CFAP97: variants seen among roughly 807,000 people sequenced by gnomAD.
The protein encoded by CFAP97 is cilia- and flagella-associated protein 97.
A neutral mutation model predicts 43.1 loss-of-function variants in CFAP97; 36 were observed. That is an observed-to-expected ratio of 0.84 (90% CI 0.64 to 1.10). The LOEUF (loss-of-function observed/expected upper bound fraction) is 1.10, where lower values mean the gene tolerates loss of function less well. CFAP97 is among the 50% of genes least tolerant of loss of function. The pLI, the probability that CFAP97 is intolerant of heterozygous loss-of-function variation, is 0.00. For synonymous variants in CFAP97, 228 were observed against 225.7 expected, an observed-to-expected ratio of 1.01 and a Z score of -0.09; for missense variants, 657 against 620.3, an observed-to-expected ratio of 1.06 and a Z score of -0.63.
rs1279488929 is a variant in CFAP97 at position 185,209,416 on chromosome 4, AAG to A, written c.-167_-166del. The A allele has an allele frequency of 6.6e-6, 1 of 152,250 alleles. No individual in the cohort carries two copies. Among genetic ancestry groups the A allele is most frequent in the Non-Finnish European group, 1.5e-5 (1 of 68,074 alleles). 9.4% of individuals were successfully genotyped at this position (152,250 alleles called of 1,614,324 possible). ...TGTAGAGGAGGAGGGGAGCGTGGGA[AAG>A]AGAGGTGTGCACCGCGCTGGGTCGC... On this transcript the variant is annotated 5_prime_UTR_variant, in exon 1 of 3. Coordinates refer to the CFAP97 transcript ENST00000503223. The surrounding 1 kb of genome is among the most constrained non-coding windows in gnomAD (Gnocchi z 5.2).
intron 1 of CFAP97, among the ~76,000 whole-genome samples, chr4:185,203,187 C>G (rs1736977487): frequency 6.6e-6 from 1 of 152,040 alleles, no homozygotes; most frequent in African/African-American, 2.4e-5. Context: ...GGCCACAGAG[C>G]GAGACCCTGT....
At chr4:185,192,931 G>A (rs1305300813) in intron 1 of CFAP97, among the ~76,000 whole-genome samples, 2 of 151,810 alleles carry the variant, frequency 1.3e-5, no homozygotes, top group Non-Finnish European at 2.9e-5. Flanking sequence ...TAGTAGAGAC[G>A]GGGTTTCACC....
At chr4:185,205,525 G>A (rs1032857883), upstream of CFAP97, among the ~76,000 whole-genome samples, 7 of 152,052 alleles carry the variant, frequency 4.6e-5, no homozygotes, top group African/African-American at 1.7e-4. Context: ...CCACTTTCCA[G>A]GGATAGTTGT....
upstream of CFAP97, chr4:185,209,735 A>G (rs1737440762): frequency 1.0e-6 from 1 of 983,378 alleles, no homozygotes; most frequent in Non-Finnish European, 1.2e-6. This position sits in a 1 kb window ranked among gnomAD's most constrained non-coding sequence, Gnocchi z 5.2. Flanking sequence ...GCCGCGGGCG[A>G]GGCATGAGCG....
rs75024860 is a variant in CFAP97, at chr4:185,202,288, G to C, written c.-17+1610C>G. ...CTCATGTGCGGTGGCTCATGTTACA[G>C]TCTCATGCCTGTAACTTTGGGAGGC... On this transcript the variant is annotated intron_variant, in intron 1 of 4. Transcript: ENST00000458385. Among the ~76,000 whole-genome samples, 8 of 152,280 alleles carry C rather than the reference G, an allele frequency of 5.3e-5. No homozygotes were observed. The East Asian group carries it at 1.6e-3, about 30-fold the overall frequency.
chr4:185,162,985 G>C (rs565669882), intron 4 of CFAP97, 60 bp from the exon 5 acceptor site: 15 of 1,434,922 alleles, frequency 1.0e-5, no homozygotes, highest in African/African-American at 1.0e-4. Flanking sequence ...GTCCAGACTA[G>C]TTTTTCTTCC....
Position 185,190,434 on chromosome 4 carries a change from C to G in CFAP97, c.763G>C (p.Val255Leu), listed in dbSNP as rs754104347. 1.2e-6 allele frequency: 2 copies of G among 1,613,674 alleles called. No homozygotes were observed. Among genetic ancestry groups the G allele is most frequent in the South Asian group, 1.1e-5 (1 of 91,028 alleles). The part of the protein sequence containing the change: ...PEESEDTVTD[V>L]SPLSTPDISP... ...ATGTCTGGAGTTGATAAGGGACTTA[C>G]GTCAGTCACAGTATCTTCAGACTCC... Residue 255 changes from valine to leucine, a missense_variant, in exon 2 of 5, where the codon GTA (valine) becomes CTA (leucine). Val to Leu is a conservative substitution (Grantham distance 32). Transcript: ENST00000458385.
intron 1 of CFAP97, among the ~76,000 whole-genome samples, chr4:185,198,528 G>A (rs942804992): frequency 1.3e-5 from 2 of 151,576 alleles, no homozygotes; most frequent in Non-Finnish European, 2.9e-5. Context: ...GGTGGCTCAC[G>A]CCTGTAATCC....
Position 185,190,760 on chromosome 4 carries a change from T to C in CFAP97, c.437A>G (p.His146Arg). The C allele has an allele frequency of 6.3e-7, 1 of 1,597,984 alleles. No homozygotes were observed. Residue 146 changes from histidine to arginine, a missense_variant, in exon 2 of 5, where the codon CAT becomes CGT. Physicochemically the swap from His to Arg is conservative, Grantham distance 29. Transcript: ENST00000458385. ...EESSDDGKKY[H>R]VKSKSAKPST... is the part of the protein sequence containing the mutation. ...TGGTTTAGCGGACTTGGACTTCACA[T>C]GGTATTTCTTCCCATCATCACTGCT...
rs750118733 is a variant in CFAP97, at chr4:185,190,966, T to G, written c.231A>C (p.Pro77=). The G allele has an allele frequency of 2.5e-6, 4 of 1,613,810 alleles. No homozygotes were observed. In the South Asian group the frequency reaches 4.4e-5, roughly 18 times the overall value. Reference sequence around the variant, plus strand: ...TAACATCATTCTCTACGGGGTGTTCTGGGGGAAATTTCACGTTTCTTTCAT... The same window carrying G: ...TAACATCATTCTCTACGGGGTGTTCGGGGGGAAATTTCACGTTTCTTTCAT... ...KGNERNVKFP[P]EHPVENDVTQ... The change falls in exon 2 of 5, where the codon CCA becomes CCC. Residue 77 remains proline, a synonymous_variant. Coordinates refer to ENST00000458385, the MANE Select transcript of CFAP97 (RefSeq NM_020827.3).
intron 2 of CFAP97, among the ~76,000 whole-genome samples, chr4:185,180,880 C>A (rs544031754): frequency 2.0e-5 from 3 of 152,182 alleles, no homozygotes; most frequent in Non-Finnish European, 4.4e-5. Flanking sequence ...TAACACCCCC[C>A]CTAAAGACTG....
In CFAP97 at chr4:185,209,199, G is replaced by A. The variant is rs918225087; in HGVS notation, c.-74+126C>T. On this transcript the variant is annotated intron_variant, in intron 1 of 2. Coordinates refer to the CFAP97 transcript ENST00000503223. The surrounding 1 kb of genome is among the most constrained non-coding windows in gnomAD (Gnocchi z 5.2). ...GGAAGGTCGTTAGAAACTGTGACAG[G>A]GAGTCTCGGGAACGGTTGCCTATTT... 6.6e-6 allele frequency: 1 copy of A among 152,326 alleles called. No homozygotes were observed. Among genetic ancestry groups the A allele is most frequent in the East Asian group, 1.9e-4 (1 of 5,184 alleles). 9.4% of individuals were successfully genotyped at this position (152,326 alleles called of 1,614,324 possible).
At chr4:185,166,931 T>C (rs1735093038) in intron 3 of CFAP97, among the ~76,000 whole-genome samples, 1 of 152,240 alleles carries the variant, frequency 6.6e-6, no homozygotes, top group Non-Finnish European at 1.5e-5. Flanking sequence ...TGGCTTTGAA[T>C]GCGGCCCAGC....
In CFAP97 at chr4:185,202,442, C is replaced by T. The variant is rs554165517; in HGVS notation, c.-17+1456G>A. 3.3e-5 allele frequency among the ~76,000 whole-genome samples: 5 copies of T among 152,092 alleles called. No homozygotes were observed. The South Asian group carries it at 1.0e-3, about 32-fold the overall frequency. ...CTCTCGCCTGTAGTCCCAGCTACTC[C>T]GGAGGCTGAGGTGGGAGAATCGCTG... On this transcript the variant is annotated intron_variant, in intron 1 of 4. Transcript: ENST00000458385.
intron 3 of CFAP97, among the ~76,000 whole-genome samples, chr4:185,173,362 T>TAAA (rs11345517): frequency 1.1e-4 from 14 of 127,656 alleles, no homozygotes; most frequent in Middle Eastern, 8.5e-3. Flanking sequence ...CTCCGTCTCT[T>TAAA]AAAAAAAAAA....
At chr4:185,200,615 C>T (rs1307287330) in intron 1 of CFAP97, among the ~76,000 whole-genome samples, 3 of 150,846 alleles carry the variant, frequency 2.0e-5, no homozygotes, top group South Asian at 2.1e-4. Flanking sequence ...GGCACTCCAG[C>T]GGGTGACAGA....
Position 185,190,313 on chromosome 4 carries a change from A to G in CFAP97, c.884T>C (p.Val295Ala), listed in dbSNP as rs746410492. The G allele has an allele frequency of 8.7e-6, 14 of 1,605,422 alleles. No individual in the cohort carries two copies. In the African/African-American group the frequency reaches 1.9e-4, roughly 21 times the overall value. ...TTTTGAATTATTTTTCAAATCCTCA[A>G]CATCTTCATATATTTCTTGGCTCAC... Reference protein sequence around the residue: ...ENVSQEIYEDVEDLKNNSKYL... With the variant: ...ENVSQEIYEDAEDLKNNSKYL... Residue 295 changes from valine to alanine, a missense_variant, in exon 2 of 5, where the codon GTT (valine) becomes GCT (alanine). Val to Ala is a moderately conservative substitution (Grantham distance 64). Transcript: ENST00000458385.
Position 185,161,113 on chromosome 4 carries a change from C to G in CFAP97, c.*1685G>C, listed in dbSNP as rs1465607763. On this transcript the variant is annotated 3_prime_UTR_variant, in exon 5 of 5. Transcript: ENST00000458385. ...AGTTAAAAAACAAAAGAAAATAAAG[C>G]CTTGGTTTAGTATAGCTCAAGCTTA... 6.6e-6 allele frequency: 1 copy of G among 151,888 alleles called. No individual in the cohort carries two copies. Among genetic ancestry groups the G allele is most frequent in the South Asian group, 2.1e-4 (1 of 4,812 alleles). The allele number at this position is 151,888 out of a possible 1,614,324, so 9.4% of individuals were successfully genotyped here. A position where few individuals can be genotyped will look rare whatever the true frequency, so the allele number is the denominator to read the frequency against.
At chr4:185,206,819 G>A (rs1011758609), upstream of CFAP97, among the ~76,000 whole-genome samples, 3 of 152,132 alleles carry the variant, frequency 2.0e-5, no homozygotes, top group Non-Finnish European at 2.9e-5. Flanking sequence ...ACCCTTCGCC[G>A]GCTGGAGAGC....
Sources: allele counts gnomAD v4.1 joint callset (sites outside exome capture counted in the v4.1 genomes callset), GRCh38; gene constraint gnomAD v4.1.1; non-coding constraint Gnocchi (gnomAD v3.1); transcripts MANE v1.5; gene names NCBI Gene and HGNC (gene_info 2026-07-23, HGNC 2026-07-21).